The following PPP2R2A variants were observed in gnomAD, a reference collection of about 807,000 sequenced individuals.
PPP2R2A encodes serine/threonine-protein phosphatase 2A 55 kDa regulatory subunit B alpha isoform.
In PPP2R2A, 9 loss-of-function variants were observed where a neutral mutation model predicts 53.2. That is an observed-to-expected ratio of 0.17 (90% CI 0.10 to 0.30). The LOEUF (loss-of-function observed/expected upper bound fraction) is 0.30, where lower values mean the gene tolerates loss of function less well. Among genes scored for constraint, PPP2R2A ranks in the 10% least tolerant of loss-of-function variants. The pLI, the probability that PPP2R2A is intolerant of heterozygous loss-of-function variation, is 1.00. For synonymous variants in PPP2R2A, 169 were observed against 174.2 expected, an observed-to-expected ratio of 0.97 and a Z score of 0.23; for missense variants, 235 against 534.6, an observed-to-expected ratio of 0.44 and a Z score of 5.53.
At chr8:26,355,868 CAAA>C (rs35574078) in intron 4 of PPP2R2A, among the ~76,000 whole-genome samples, 13 of 130,376 alleles carry the variant, frequency 1.0e-4, no homozygotes, top group Middle Eastern at 3.8e-3. Flanking sequence ...AGACTCGTCT[CAAA>C]AAAAAAAAAA....
Position 26,360,971 on chromosome 8 carries a change from C to T in PPP2R2A, c.460-3C>T, listed in dbSNP as rs779057661. 5.1e-6 allele frequency: 8 copies of T among 1,583,582 alleles called. No homozygotes were observed. The highest frequency in any genetic ancestry group is 1.4e-5 in the African/African-American group (1 of 72,816). On this transcript the variant is annotated splice_polypyrimidine_tract_variant and splice_region_variant and intron_variant, in intron 5 of 9. Coordinates refer to ENST00000380737, the MANE Select transcript of PPP2R2A (RefSeq NM_002717.4). This position sits in a 1 kb window ranked among gnomAD's most constrained non-coding sequence, Gnocchi z 4.5. ...TTCTGTTTTTCATGTGTCTTATTGACAGGTGCCAGTCTTTAGGCCTATGGA... is the reference window on the plus strand; with the variant it reads ...TTCTGTTTTTCATGTGTCTTATTGATAGGTGCCAGTCTTTAGGCCTATGGA...
intron 2 of PPP2R2A, among the ~76,000 whole-genome samples, chr8:26,336,226 C>A (rs553697422): frequency 5.0e-4 from 76 of 152,080 alleles, no homozygotes; most frequent in Non-Finnish European, 7.2e-4. Flanking sequence ...GAGTTCGAAA[C>A]CAGCCTGGGC....
intron 2 of PPP2R2A, among the ~76,000 whole-genome samples, chr8:26,313,761 T>C (rs1357354112): frequency 6.6e-6 from 1 of 152,166 alleles, no homozygotes; most frequent in Non-Finnish European, 1.5e-5. Flanking sequence ...GAAATGCAGG[T>C]GGCCTCCAGA....
intron 3 of PPP2R2A, among the ~76,000 whole-genome samples, chr8:26,350,372 C>G (rs1443244308): frequency 6.6e-6 from 1 of 152,060 alleles, no homozygotes; most frequent in Non-Finnish European, 1.5e-5. Context: ...CTTGTACTTA[C>G]TCTTGTGATT....
chr8:26,338,772 G>C lies in PPP2R2A; in HGVS notation c.83-118G>C. 2 of 560,650 alleles carry C rather than the reference G, an allele frequency of 3.6e-6. No homozygotes were observed. Among genetic ancestry groups the C allele is most frequent in the Non-Finnish European group, 6.2e-6 (2 of 320,564 alleles). 34.7% of individuals were successfully genotyped at this position (560,650 alleles called of 1,614,324 possible). On this transcript the variant is annotated intron_variant, in intron 2 of 9. Coordinates refer to ENST00000380737, the MANE Select transcript of PPP2R2A (RefSeq NM_002717.4). This position sits in a 1 kb window ranked among gnomAD's most constrained non-coding sequence, Gnocchi z 4.5. ...ATGTTATTTCTGATGGGTGGTTGAT[G>C]TACTTCAAAGATATACTTCATAGAC...
intron 2 of PPP2R2A, among the ~76,000 whole-genome samples, chr8:26,332,460 C>T (rs754719399): frequency 6.6e-6 from 1 of 151,452 alleles, no homozygotes; most frequent in African/African-American, 2.4e-5. Flanking sequence ...TTCTTCCCCT[C>T]CTTTATTTTT....
intron 3 of PPP2R2A, among the ~76,000 whole-genome samples, chr8:26,349,022 G>A (rs1373398657): frequency 3.3e-5 from 5 of 152,006 alleles, no homozygotes; most frequent in Non-Finnish European, 4.4e-5. Flanking sequence ...CCATTGAGTA[G>A]AAAGGGGCAC....
intron 2 of PPP2R2A, among the ~76,000 whole-genome samples, chr8:26,322,985 A>G (rs1392623138): frequency 1.3e-5 from 2 of 152,124 alleles, no homozygotes; most frequent in Admixed American, 6.5e-5. Context: ...TTTGGATGCA[A>G]TTCATCACTG....
At chr8:26,302,160 A>G (rs909449814) in intron 2 of PPP2R2A, among the ~76,000 whole-genome samples, 1 of 152,228 alleles carries the variant, frequency 6.6e-6, no homozygotes, top group Admixed American at 6.5e-5. Context: ...GAAGTAACTG[A>G]TGAACTATAG....
chr8:26,306,491 AAAAG>A (rs1257251369), intron 2 of PPP2R2A, among the ~76,000 whole-genome samples: 6 of 151,630 alleles, frequency 4.0e-5, no homozygotes, highest in Non-Finnish European at 8.8e-5. Flanking sequence ...AAAAAAAAAA[AAAAG>A]TTTTCTAGAG....
intron 2 of PPP2R2A, among the ~76,000 whole-genome samples, chr8:26,327,005 G>C (rs1363998044): frequency 8.5e-5 from 13 of 152,160 alleles, no homozygotes; most frequent in Admixed American, 8.5e-4. Context: ...AGATTATCCA[G>C]GAACAAGTTA....
At chr8:26,323,108 C>G (rs1802924031) in intron 2 of PPP2R2A, among the ~76,000 whole-genome samples, 2 of 152,162 alleles carry the variant, frequency 1.3e-5, no homozygotes, top group Non-Finnish European at 2.9e-5. Context: ...ATCCTTAGCC[C>G]AGACCTCTGG....
At chr8:26,307,268 C>G (rs1024933514) in intron 2 of PPP2R2A, among the ~76,000 whole-genome samples, 1 of 152,178 alleles carries the variant, frequency 6.6e-6, no homozygotes, top group Non-Finnish European at 1.5e-5. Context: ...ATATACAAGT[C>G]TTTAAAAATA....
At chr8:26,327,718 A>G (rs1803166430) in intron 2 of PPP2R2A, among the ~76,000 whole-genome samples, 1 of 152,192 alleles carries the variant, frequency 6.6e-6, no homozygotes, top group Non-Finnish European at 1.5e-5. Flanking sequence ...ATCCAGTAAA[A>G]TGTTCTCTTA....
intron 2 of PPP2R2A, among the ~76,000 whole-genome samples, chr8:26,296,842 T>C (rs559979809): frequency 2.6e-5 from 4 of 152,308 alleles, no homozygotes; most frequent in African/African-American, 4.8e-5. Flanking sequence ...CTTTTTAAAA[T>C]AAAAATTTAA....
intron 3 of PPP2R2A, among the ~76,000 whole-genome samples, chr8:26,339,337 T>G (rs1371446036): frequency 6.6e-6 from 1 of 152,200 alleles, no homozygotes; most frequent in African/African-American, 2.4e-5. Flanking sequence ...TTGCTTTGAC[T>G]TCTTCTCAAT....
rs1383626742 is a variant in PPP2R2A at position 26,338,355 on chromosome 8, C to G, written c.83-535C>G. On this transcript the variant is annotated intron_variant, in intron 2 of 9. Coordinates refer to ENST00000380737, the MANE Select transcript of PPP2R2A (RefSeq NM_002717.4). The surrounding 1 kb of genome is among the most constrained non-coding windows in gnomAD (Gnocchi z 4.5). ...AGCCGTGCACATTGAAGGCACATAG[C>G]ACGAAGCATTTCTGCTATAAAAAAG... Among the ~76,000 whole-genome samples the G allele has an allele frequency of 6.6e-6, 1 of 152,168 alleles. No homozygotes were observed. Among genetic ancestry groups the G allele is most frequent in the East Asian group, 1.9e-4 (1 of 5,200 alleles).
chr8:26,298,029 T>C (rs1801618296), intron 2 of PPP2R2A, among the ~76,000 whole-genome samples: 1 of 152,172 alleles, frequency 6.6e-6, no homozygotes, highest in East Asian at 1.9e-4. Flanking sequence ...GAAAAAAACA[T>C]ACTGTAAAAA....
chr8:26,353,364 G>C (rs1804615474), intron 3 of PPP2R2A, among the ~76,000 whole-genome samples: 1 of 152,148 alleles, frequency 6.6e-6, no homozygotes, highest in African/African-American at 2.4e-5. Context: ...CAGATCATCA[G>C]GCTGCTGGAA....
Sources: gnomAD v4.1 joint callset for allele counts (sites outside exome capture counted in the v4.1 genomes callset) on GRCh38, gnomAD v4.1.1 for gene constraint, Gnocchi (gnomAD v3.1) non-coding constraint, MANE v1.5 for transcripts, NCBI Gene and HGNC (gene_info 2026-07-23, HGNC 2026-07-21) for gene names.